Variants in NPHP1 observed in about 807,000 individuals in gnomAD.
The protein encoded by NPHP1 is nephrocystin-1.
NPHP1 carries 70 observed loss-of-function variants against 90.4 expected under a neutral mutation model. The ratio of observed to expected loss-of-function variants is 0.77; its 90% CI spans 0.64 to 0.95. The LOEUF is 0.95. NPHP1 is among the 40% of genes least tolerant of loss of function. The probability of loss-of-function intolerance (pLI) is 0.00; values close to 1 mark genes in which losing one functional copy is unlikely to be tolerated. For missense variants in NPHP1, 764 were observed against 795.9 expected (o/e 0.96, Z 0.48); for synonymous variants, 256 against 271.7 (o/e 0.94, Z 0.57).
chr2:110,160,177 T>C lies in NPHP1; in HGVS notation c.1033A>G (p.Ile345Val), dbSNP rs1365124220. Residue 345 changes from isoleucine (I) to valine (V), a missense_variant, in exon 11 of 20, where the codon ATA becomes GTA. Physicochemically the swap from Ile to Val is conservative, Grantham distance 29. Transcript: ENST00000445609. ...CGTACATGTCTGCTGAGAACCTGTA[T>C]GCTCATTCCTGGAAGAGGAATCATT... is the stretch of plus-strand genomic sequence containing the variant. ...CKMIPLPGMSIQVLSRHVRLC... is the reference protein window; with the variant it reads ...CKMIPLPGMSVQVLSRHVRLC... 6.2e-7 allele frequency: 1 copy of C among 1,612,558 alleles called. No individual in the cohort carries two copies. Among genetic ancestry groups the C allele is most frequent in the Admixed American group, 1.7e-5 (1 of 60,022 alleles).
intron 19 of NPHP1, 112 bp downstream of exon 19, chr2:110,125,525 A>T: frequency 2.5e-6 from 3 of 1,202,888 alleles, no homozygotes; most frequent in Non-Finnish European, 3.7e-6. Flanking sequence ...TTCCCTGGTT[A>T]AGAGGGATTA....
intron 2 of NPHP1, among the ~76,000 whole-genome samples, chr2:110,199,731 G>A (rs185945974): frequency 2.0e-5 from 3 of 152,150 alleles, no homozygotes; most frequent in South Asian, 2.1e-4. Flanking sequence ...ACTCAAAGGT[G>A]TTTCAGGAAG....
chr2:110,177,447 G>T (rs951104759), intron 4 of NPHP1, among the ~76,000 whole-genome samples: 3 of 152,038 alleles, frequency 2.0e-5, no homozygotes, highest in Admixed American at 1.3e-4. Flanking sequence ...TCCCTAATCA[G>T]AAAATCCAAA....
chr2:110,161,781 G>C, intron 9 of NPHP1, 84 bp from the exon 10 acceptor site: 1 of 971,128 alleles, frequency 1.0e-6, no homozygotes, highest in Non-Finnish European at 1.6e-6. Flanking sequence ...ATGAACTAGA[G>C]TACAGGCACT....
intron 16 of NPHP1, 151 bp from the exon 17 acceptor site, chr2:110,131,942 A>C: frequency 1.6e-6 from 1 of 629,530 alleles, no homozygotes; most frequent in East Asian, 2.8e-5. Flanking sequence ...TTCTACTACA[A>C]GTAGGCCACA....
At position 110,161,685 on chromosome 2, in the gene NPHP1, C is replaced by T. The variant is rs751387472; in HGVS notation, c.872G>A (p.Arg291Gln). 9.3e-6 allele frequency: 15 copies of T among 1,610,520 alleles called. No homozygotes were observed. The highest frequency in any genetic ancestry group is 8.3e-5 in the Admixed American group (5 of 59,940). ...CTCTGGTTGTAAGAAGTAATTTGCT[C>T]GAAATTGATTCCCTGAAAAAATCAT... The part of the protein sequence containing the change: ...SQLLEEGNQF[R>Q]ANYFLQPELM... Residue 291 changes from arginine (R) to glutamine (Q), a missense_variant, in exon 10 of 20, where the codon CGA (arginine) becomes CAA (glutamine). Coordinates refer to ENST00000445609, the MANE Select transcript of NPHP1 (RefSeq NM_001128178.3).
At chr2:110,204,657 G>A (rs1195130457) in intron 1 of NPHP1, among the ~76,000 whole-genome samples, 1 of 152,058 alleles carries the variant, frequency 6.6e-6, no homozygotes, top group Non-Finnish European at 1.5e-5. Context: ...GGGGCGCTTA[G>A]TTGATGGTCA....
intron 4 of NPHP1, among the ~76,000 whole-genome samples, chr2:110,172,368 C>T (rs1361339516): frequency 1.3e-5 from 2 of 151,932 alleles, no homozygotes; most frequent in Non-Finnish European, 2.9e-5. Context: ...CTGTTTTCTG[C>T]TTTTATTTTT....
At chr2:110,124,196 G>A (rs1679189724) in intron 19 of NPHP1, 133 bp from the exon 20 acceptor site, 1 of 962,498 alleles carries the variant, frequency 1.0e-6, no homozygotes, top group South Asian at 1.4e-5. Flanking sequence ...TCGGCTCTGA[G>A]CCAGCTGCTC....
At chr2:110,164,528 CAGGCTTAGAA>C (rs1321229269) in intron 8 of NPHP1, 150 bp downstream of exon 8, 1 of 1,485,378 alleles carries the variant, frequency 6.7e-7, no homozygotes, top group East Asian at 2.3e-5. Flanking sequence ...ACTTGGAGCA[CAGGCTTAGAA>C]ACCAGAAATA....
intron 18 of NPHP1, chr2:110,127,092 A>G (rs1374725749): frequency 6.6e-6 from 1 of 152,212 alleles, no homozygotes; most frequent in Non-Finnish European, 1.5e-5. Flanking sequence ...TGGCCAATGC[A>G]ATGTGAGCAG....
At chr2:110,138,872 C>T (rs1409725957) in intron 16 of NPHP1, among the ~76,000 whole-genome samples, 1 of 152,096 alleles carries the variant, frequency 6.6e-6, no homozygotes, top group Non-Finnish European at 1.5e-5. Flanking sequence ...TGTGGGCACT[C>T]CTTTCCTTCT....
In NPHP1 at chr2:110,125,333, T is replaced by C. The variant is rs906616987; in HGVS notation, c.1761+304A>G. The C allele has an allele frequency of 3.3e-6, 5 of 1,517,524 alleles. No homozygotes were observed. The African/African-American group carries it at 7.0e-5, about 21-fold the overall frequency. The allele number at this position is 1,517,524 out of a possible 1,614,324, so 94.0% of individuals were successfully genotyped here. ...ATACAGGCTTTGAGAGCTAGAGAAG[T>C]TTTTTAAAAATAAAAGAAATTTGAT... is the stretch of plus-strand genomic sequence containing the variant. On this transcript the variant is annotated intron_variant, in intron 19 of 19. Coordinates refer to ENST00000445609, the MANE Select transcript of NPHP1 (RefSeq NM_001128178.3).
intron 16 of NPHP1, among the ~76,000 whole-genome samples, chr2:110,140,213 C>T (rs1367030544): frequency 6.6e-6 from 1 of 152,130 alleles, no homozygotes; most frequent in East Asian, 1.9e-4. Context: ...GCACTCAAGT[C>T]TCTCTGTGGA....
intron 18 of NPHP1, chr2:110,128,162 T>A (rs1679505484): frequency 6.6e-6 from 1 of 152,056 alleles, no homozygotes; most frequent in South Asian, 2.1e-4. Flanking sequence ...CTAATAAGAA[T>A]CTTTGTAGAT....
At position 110,161,592 on chromosome 2, in the gene NPHP1, A is replaced by T. The variant is rs756832841; in HGVS notation, c.954+11T>A. 22 of 1,551,026 alleles carry T rather than the reference A, an allele frequency of 1.4e-5. No individual in the cohort carries two copies. The highest frequency in any genetic ancestry group is 1.7e-5 in the Non-Finnish European group (19 of 1,123,562). Reference sequence around the variant, plus strand: ...AAGAGTTACACTTTTACTGATAGTAACTATACTTACAGTGCCTTCTGTAGC... The same window carrying T: ...AAGAGTTACACTTTTACTGATAGTATCTATACTTACAGTGCCTTCTGTAGC... On this transcript the variant is annotated intron_variant, in intron 10 of 19. Coordinates refer to ENST00000445609, the MANE Select transcript of NPHP1 (RefSeq NM_001128178.3).
At chr2:110,132,984 G>A (rs1679901235) in intron 16 of NPHP1, among the ~76,000 whole-genome samples, 1 of 151,838 alleles carries the variant, frequency 6.6e-6, no homozygotes, top group Non-Finnish European at 1.5e-5. Context: ...AGTGAGGGAG[G>A]AAATTAAGAA....
chr2:110,186,873 A>G (rs763454664), intron 2 of NPHP1, among the ~76,000 whole-genome samples: 1 of 152,166 alleles, frequency 6.6e-6, no homozygotes, highest in Non-Finnish European at 1.5e-5. Flanking sequence ...AAAGAAATCC[A>G]GTCAAAATCA....
chr2:110,186,111 G>A (rs140233846), intron 2 of NPHP1, among the ~76,000 whole-genome samples: 52 of 152,246 alleles, frequency 3.4e-4, no homozygotes, highest in African/African-American at 8.4e-4. Context: ...GATGGTAAGC[G>A]GACAGTGTCC....
Sources: allele counts gnomAD v4.1 joint callset (sites outside exome capture counted in the v4.1 genomes callset), GRCh38; gene constraint gnomAD v4.1.1; transcripts MANE v1.5; gene names NCBI Gene and HGNC (gene_info 2026-07-23, HGNC 2026-07-21).